ANGPTL1: variants seen among roughly 807,000 people sequenced by gnomAD.
ANGPTL1 encodes the protein angiopoietin like 1, also known as angiopoietin-related protein 1.
In ANGPTL1, 36 loss-of-function variants were observed where a neutral mutation model predicts 46.7. That is an observed-to-expected ratio of 0.77 (90% CI 0.59 to 1.02). The LOEUF (loss-of-function observed/expected upper bound fraction) is 1.02. Among genes scored for constraint, ANGPTL1 ranks in the 50% least tolerant of loss-of-function variants. The pLI is 0.00. For synonymous variants in ANGPTL1, 221 were observed against 204.3 expected, an observed-to-expected ratio of 1.08 and a Z score of -0.69; for missense variants, 571 against 594.7, an observed-to-expected ratio of 0.96 and a Z score of 0.41.
chr1:178,852,677 A>T lies in ANGPTL1; in HGVS notation c.1288+6T>A. 6.2e-7 allele frequency: 1 copy of T among 1,603,962 alleles called. No individual in the cohort carries two copies. The highest frequency in any genetic ancestry group is 8.5e-7 in the Non-Finnish European group (1 of 1,174,980). On this transcript the variant is annotated splice_donor_region_variant and intron_variant, in intron 5 of 5. Transcript: ENST00000234816. The stretch of plus-strand genomic sequence containing the variant: ...TCTACAAAGAATGAAAGTTTTTCAT[A>T]CTTACCTGCATACATATCTTTATCT...
In ANGPTL1 at chr1:178,856,194, GAGAGAGAGATATAT is replaced by G. The variant is rs1189257229; in HGVS notation, c.824-2421_824-2408del. Among the ~76,000 whole-genome samples, 47 of 99,198 alleles carry G rather than the reference GAGAGAGAGATATAT, an allele frequency of 4.7e-4. 2 individuals carry two copies. Among genetic ancestry groups the G allele is most frequent in the African/African-American group, 2.4e-3 (45 of 18,406 alleles). 65.1% of individuals were successfully genotyped at this position (99,198 alleles called of 152,430 possible). On this transcript the variant is annotated intron_variant, in intron 3 of 5. Coordinates refer to ENST00000234816, the MANE Select transcript of ANGPTL1 (RefSeq NM_004673.4). ...ACTGTGTTACCTGTACTTTTCCAGA[GAGAGAGAGATATAT>G]ATATATATATATATATATATATATA...
intron 2 of ANGPTL1, among the ~76,000 whole-genome samples, chr1:178,868,298 G>T (rs1204749631): frequency 6.6e-6 from 1 of 151,682 alleles, no homozygotes; most frequent in African/African-American, 2.4e-5. Context: ...AAAAACTAGG[G>T]ACAAGAAATA....
intron 3 of ANGPTL1, among the ~76,000 whole-genome samples, chr1:178,854,287 A>G (rs1657383565): frequency 6.6e-6 from 1 of 152,194 alleles, no homozygotes; most frequent in Non-Finnish European, 1.5e-5. Context: ...ATAGTCCTAC[A>G]TAATACCCAA....
Position 178,862,101 on chromosome 1 carries a change from G to T in ANGPTL1, c.823+2853C>A, listed in dbSNP as rs893518981. The stretch of plus-strand genomic sequence containing the variant: ...TTGGCCAGGCTGGTCTCAAACTCCT[G>T]ACCTCAAGTGATCCGTCTGCCTCGG... On this transcript the variant is annotated intron_variant, in intron 3 of 5. Coordinates refer to ENST00000234816, the MANE Select transcript of ANGPTL1 (RefSeq NM_004673.4). Among the ~76,000 whole-genome samples, 15 of 152,166 alleles carry T rather than the reference G, an allele frequency of 9.9e-5. 1 individual carries two copies. In the South Asian group the frequency reaches 1.0e-3, roughly 11 times the overall value.
At chr1:178,856,190 C>CAGAGAGAGAGAGAGAG (rs139246466) in intron 3 of ANGPTL1, among the ~76,000 whole-genome samples, 3 of 69,122 alleles carry the variant, frequency 4.3e-5, no homozygotes, top group African/African-American at 1.6e-4. Flanking sequence ...TGTACTTTTC[C>CAGAGAGAGAGAGAGAG]AGAGAGAGAG....
intron 5 of ANGPTL1, 128 bp from the exon 6 acceptor site, chr1:178,851,444 A>G (rs992514759): frequency 1.3e-6 from 1 of 781,806 alleles, no homozygotes; most frequent in African/African-American, 1.8e-5. Flanking sequence ...TTATCTCAGC[A>G]GTTTTAAATG....
chr1:178,867,902 A>G lies in ANGPTL1; in HGVS notation c.-27+1212T>C, dbSNP rs577133491. Among the ~76,000 whole-genome samples, 95 of 152,092 alleles carry G rather than the reference A, an allele frequency of 6.2e-4. 2 individuals carry two copies. In the South Asian group the frequency reaches 0.015, roughly 23 times the overall value. ...ACTGCTACTTTCACTTTCTAAAACCATGTTCCTTTTTTGGTATTTTTCAAT... is the reference window on the plus strand; with the variant it reads ...ACTGCTACTTTCACTTTCTAAAACCGTGTTCCTTTTTTGGTATTTTTCAAT... On this transcript the variant is annotated intron_variant, in intron 2 of 5. Transcript: ENST00000234816.
chr1:178,865,653 C>CTA lies in ANGPTL1; in HGVS notation c.123_124insTA (p.Gly42Ter). 6.2e-7 allele frequency: 1 copy of CTA among 1,613,940 alleles called. No individual in the cohort carries two copies. Among genetic ancestry groups the CTA allele is most frequent in the Non-Finnish European group, 8.5e-7 (1 of 1,179,952 alleles). Reference sequence around the variant, plus strand: ...GCACATTTCTTTGCTTCCTCTTTACCATCTGTGGCACGAGGGTATCTTCTC... The same window carrying CTA: ...GCACATTTCTTTGCTTCCTCTTTACCTAATCTGTGGCACGAGGGTATCTTCTC... On this transcript the variant is annotated frameshift_variant, in exon 3 of 6. Transcript: ENST00000234816. LOFTEE classifies it high-confidence loss of function.
intron 2 of ANGPTL1, among the ~76,000 whole-genome samples, chr1:178,866,362 T>G (rs1180236773): frequency 1.3e-5 from 2 of 152,150 alleles, no homozygotes; most frequent in African/African-American, 4.8e-5. Flanking sequence ...AGTTAAAGAT[T>G]TTAGGGAAAT....
chr1:178,852,626 C>G (rs1346538309), intron 5 of ANGPTL1, 57 bp downstream of exon 5: 2 of 1,535,750 alleles, frequency 1.3e-6, no homozygotes, highest in East Asian at 4.5e-5. Context: ...TTAGTAGATT[C>G]TATTTAATGC....
chr1:178,855,002 C>T (rs1348432034), intron 3 of ANGPTL1, among the ~76,000 whole-genome samples: 1 of 151,870 alleles, frequency 6.6e-6, no homozygotes. Context: ...CTAAAGATCT[C>T]TTAGAACAAA....
At chr1:178,868,539 C>T (rs187451571) in intron 2 of ANGPTL1, among the ~76,000 whole-genome samples, 219 of 152,030 alleles carry the variant, frequency 1.4e-3, no homozygotes, top group African/African-American at 3.7e-3. Context: ...TCTGATTGAA[C>T]AGCTTGTATT....
intron 2 of ANGPTL1, among the ~76,000 whole-genome samples, chr1:178,867,575 AC>A (rs1309285563): frequency 2.0e-5 from 3 of 152,110 alleles, no homozygotes; most frequent in African/African-American, 4.8e-5. Context: ...TCATGTCATA[AC>A]CACAGAGGAG....
intron 1 of ANGPTL1, among the ~76,000 whole-genome samples, chr1:178,869,818 G>T (rs1380898941): frequency 1.3e-5 from 2 of 152,030 alleles, no homozygotes; most frequent in Non-Finnish European, 1.5e-5. Context: ...TTGGTTTAAG[G>T]CATACTATTG....
intron 3 of ANGPTL1, among the ~76,000 whole-genome samples, chr1:178,856,502 G>A (rs993830951): frequency 1.1e-4 from 16 of 140,106 alleles, no homozygotes; most frequent in African/African-American, 2.2e-4. Context: ...GTCTCAAGTC[G>A]GACTTCAGAC....
At chr1:178,860,591 C>T (rs1220975004) in intron 3 of ANGPTL1, among the ~76,000 whole-genome samples, 1 of 152,158 alleles carries the variant, frequency 6.6e-6, no homozygotes, top group Admixed American at 6.5e-5. Context: ...CATTAAACAA[C>T]TCCCCATTCA....
At chr1:178,869,612 A>G (rs1211730075) in intron 1 of ANGPTL1, among the ~76,000 whole-genome samples, 1 of 152,056 alleles carries the variant, frequency 6.6e-6, no homozygotes, top group Non-Finnish European at 1.5e-5. Context: ...ATTTTGTTAG[A>G]ATTTCTTGTA....
intron 3 of ANGPTL1, among the ~76,000 whole-genome samples, chr1:178,857,114 T>C (rs1237717697): frequency 6.6e-6 from 1 of 152,178 alleles, no homozygotes; most frequent in Non-Finnish European, 1.5e-5. Flanking sequence ...AGAATTTTAA[T>C]TTCTTATGTG....
At position 178,851,073 on chromosome 1, in the gene ANGPTL1, T is replaced by C. The variant is rs924345932; in HGVS notation, c.*56A>G. ...GTAATATACATGTAACATTTACATTTTTAAGAGCTGAAAAGTACAAAGTTC... is the reference window on the plus strand; with the variant it reads ...GTAATATACATGTAACATTTACATTCTTAAGAGCTGAAAAGTACAAAGTTC... On this transcript the variant is annotated 3_prime_UTR_variant, in exon 6 of 6. Transcript: ENST00000234816. The C allele has an allele frequency of 6.5e-5, 97 of 1,486,666 alleles. No homozygotes were observed. The highest frequency in any genetic ancestry group is 8.6e-5 in the Non-Finnish European group (95 of 1,107,912). 92.1% of individuals were successfully genotyped at this position (1,486,666 alleles called of 1,614,324 possible). A position where few individuals can be genotyped will look rare whatever the true frequency, so the allele number is the denominator to read the frequency against.
Sources: allele counts gnomAD v4.1 joint callset (sites outside exome capture counted in the v4.1 genomes callset), GRCh38; gene constraint gnomAD v4.1.1; transcripts MANE v1.5; gene names NCBI Gene and HGNC (gene_info 2026-07-23, HGNC 2026-07-21).